The following COL27A1 variants were observed in gnomAD, a reference collection of about 807,000 sequenced individuals.
COL27A1 encodes the protein collagen type XXVII alpha 1 chain.
Under a neutral mutation model 251.3 loss-of-function variants are expected in COL27A1, and 106 were observed. The observed-to-expected ratio is 0.42, with a 90% CI of 0.36 to 0.50. COL27A1 has a LOEUF of 0.50. Among genes scored for constraint, COL27A1 ranks in the 20% least tolerant of loss-of-function variants. The probability of loss-of-function intolerance (pLI) is 0.00; values close to 1 mark genes in which losing one functional copy is unlikely to be tolerated. For synonymous variants in COL27A1, 1,000 were observed against 986.3 expected (o/e 1.01, Z -0.26); for missense variants, 2,325 against 2,522.8 (o/e 0.92, Z 1.68).
intron 14 of COL27A1, among the ~76,000 whole-genome samples, 184 bp downstream of exon 14, chr9:114,222,451 G>T (rs1287090805): frequency 6.6e-6 from 1 of 151,204 alleles, no homozygotes; most frequent in Non-Finnish European, 1.5e-5. Flanking sequence ...GTAGGGGAAG[G>T]TGGGTAGGGG....
At chr9:114,284,443 G>A (rs1827315902) in intron 40 of COL27A1, among the ~76,000 whole-genome samples, 1 of 152,148 alleles carries the variant, frequency 6.6e-6, no homozygotes, top group African/African-American at 2.4e-5. Context: ...GTTCTGGCTG[G>A]GAGAACAAAG....
At chr9:114,286,637 T>C (rs552027937) in intron 41 of COL27A1, among the ~76,000 whole-genome samples, 172 of 152,224 alleles carry the variant, frequency 1.1e-3, no homozygotes, top group African/African-American at 3.7e-3. Flanking sequence ...ATATACCTAA[T>C]GCTAAATGAC....
At chr9:114,193,482 A>C (rs975225794) in intron 5 of COL27A1, among the ~76,000 whole-genome samples, 5 of 152,124 alleles carry the variant, frequency 3.3e-5, no homozygotes, top group Admixed American at 2.6e-4. Context: ...GTTCTAACTC[A>C]GCAGGAGCCA....
chr9:114,286,351 G>A (rs1367276837), intron 41 of COL27A1, among the ~76,000 whole-genome samples: 1 of 152,158 alleles, frequency 6.6e-6, no homozygotes, highest in African/African-American at 2.4e-5. Context: ...CGGGGAAACT[G>A]AGTCCCCATA....
chr9:114,208,154 A>G (rs2808793), intron 10 of COL27A1, among the ~76,000 whole-genome samples: 60,543 of 152,140 alleles, frequency 0.4, 15,842 homozygotes, highest in African/African-American at 0.74. Context: ...ATACTTCCTC[A>G]GGGCTGGGCG....
chr9:114,283,699 C>T lies in COL27A1; in HGVS notation c.3880-10C>T, dbSNP rs777630861. 5.6e-6 allele frequency: 9 copies of T among 1,613,816 alleles called. No homozygotes were observed. The highest frequency in any genetic ancestry group is 1.7e-5 in the Admixed American group (1 of 59,992). ...CACTCCATACCAACGAGGGTCTCCTCCTCTTGTAGGGTGCTCCGGGACGCA... is the reference window on the plus strand; with the variant it reads ...CACTCCATACCAACGAGGGTCTCCTTCTCTTGTAGGGTGCTCCGGGACGCA... On this transcript the variant is annotated splice_polypyrimidine_tract_variant and intron_variant, in intron 39 of 60. Coordinates refer to ENST00000356083, the MANE Select transcript of COL27A1 (RefSeq NM_032888.4).
chr9:114,178,303 C>T lies in COL27A1; in HGVS notation c.1921C>T (p.Leu641=), dbSNP rs1827624980. 2 of 1,613,622 alleles carry T rather than the reference C, an allele frequency of 1.2e-6. No homozygotes were observed. The highest frequency in any genetic ancestry group is 2.2e-5 in the South Asian group (2 of 91,062). Residue 641 remains leucine (L), a synonymous_variant, in exon 4 of 61, where the codon CTA becomes TTA. Transcript: ENST00000356083. The part of the protein sequence containing the change: ...GDCGLPGPPG[L]PGLPGIPGAR... ...GTTTTCTCCTCAGGGTCCCCCTGGG[C>T]TACCTGGGCTACCTGGAATCCCTGG...
At chr9:114,164,578 T>C (rs1472976200) in intron 2 of COL27A1, among the ~76,000 whole-genome samples, 4 of 152,260 alleles carry the variant, frequency 2.6e-5, no homozygotes, top group East Asian at 3.9e-4. Flanking sequence ...ATTCCATGTG[T>C]GGAGAAAGAT....
Position 114,256,495 on chromosome 9 carries a change from C to G in COL27A1, c.3142-2046C>G, listed in dbSNP as rs372327122. Among the ~76,000 whole-genome samples, 54 of 152,138 alleles carry G rather than the reference C, an allele frequency of 3.5e-4. No homozygotes were observed. The South Asian group carries it at 6.2e-3, about 18-fold the overall frequency. ...GCGACAGAGCAAGACTCCATCTCAA[C>G]AAAAAAAGATTATTATCCCCATTAT... is the stretch of plus-strand genomic sequence containing the variant. On this transcript the variant is annotated intron_variant, in intron 27 of 60. Coordinates refer to ENST00000356083, the MANE Select transcript of COL27A1 (RefSeq NM_032888.4).
rs543374584 is a variant in COL27A1, at chr9:114,197,191, T to G, written c.2124+1179T>G. ...CTGTGTCTTAAGCTTCTGCCCTGGC[T>G]CCCAGCTGTGGCCACAGCTGAACTC... is the stretch of plus-strand genomic sequence containing the variant. On this transcript the variant is annotated intron_variant, in intron 7 of 60. Coordinates refer to ENST00000356083, the MANE Select transcript of COL27A1 (RefSeq NM_032888.4). Among the ~76,000 whole-genome samples, 392 of 152,248 alleles carry G rather than the reference T, an allele frequency of 2.6e-3. 5 individuals carry two copies. In the Middle Eastern group the frequency reaches 0.034, roughly 13 times the overall value.
intron 2 of COL27A1, among the ~76,000 whole-genome samples, chr9:114,165,270 A>G (rs1424022746): frequency 2.6e-5 from 4 of 152,162 alleles, no homozygotes; most frequent in Non-Finnish European, 1.5e-5. Context: ...AATTTCCCCC[A>G]GGGAACTGTC....
At chr9:114,266,022 G>C (rs1173781844) in intron 32 of COL27A1, among the ~76,000 whole-genome samples, 3 of 152,174 alleles carry the variant, frequency 2.0e-5, no homozygotes, top group Non-Finnish European at 4.4e-5. Context: ...CAGGTGTGGG[G>C]GGACAGTCCA....
At chr9:114,276,548 T>C (rs959022228) in intron 37 of COL27A1, among the ~76,000 whole-genome samples, 5 of 152,180 alleles carry the variant, frequency 3.3e-5, no homozygotes, top group Admixed American at 2.6e-4. Context: ...GGGGTTGCAA[T>C]GAGCTGAGAT....
In COL27A1 at chr9:114,275,702, G is replaced by T. The variant is rs868486393; in HGVS notation, c.3651G>T (p.Glu1217Asp). ...GDPGPDGEHG[E>D]KGQEGLMGED... ...CAGGGCCTGATGGAGAACATGGCGA[G>T]AAAGGCCAGGAAGGGCTGATGGGTG... The change falls in exon 37 of 61, where the codon GAG (glutamate) becomes GAT (aspartate). Residue 1217 changes from glutamate (E) to aspartate (D), a missense_variant. Coordinates refer to ENST00000356083, the MANE Select transcript of COL27A1 (RefSeq NM_032888.4). 5.8e-6 allele frequency: 9 copies of T among 1,550,346 alleles called. No individual in the cohort carries two copies. The highest frequency in any genetic ancestry group is 7.0e-6 in the Non-Finnish European group (8 of 1,146,858).
At chr9:114,267,441 C>T in intron 33 of COL27A1, 63 bp from the exon 34 acceptor site, 1 of 1,449,838 alleles carries the variant, frequency 6.9e-7, no homozygotes, top group South Asian at 1.2e-5. Flanking sequence ...CCTCAGTTAC[C>T]CCCTTGCTTA....
At chr9:114,208,860 T>A (rs1830158592) in intron 10 of COL27A1, among the ~76,000 whole-genome samples, 1 of 151,988 alleles carries the variant, frequency 6.6e-6, no homozygotes, top group Non-Finnish European at 1.5e-5. Context: ...TTGAAGGATT[T>A]GGCTCAGAAG....
intron 58 of COL27A1, 27 bp from the exon 59 acceptor site, chr9:114,307,642 A>C: frequency 6.7e-7 from 1 of 1,492,300 alleles, no homozygotes; most frequent in Admixed American, 1.7e-5. Context: ...AGATACATAC[A>C]TCACCTCCAT....
At chr9:114,297,391 CA>C (rs1222979797) in intron 49 of COL27A1, among the ~76,000 whole-genome samples, 3 of 152,016 alleles carry the variant, frequency 2.0e-5, no homozygotes, top group Admixed American at 6.5e-5. Context: ...AATCAACAGA[CA>C]AATATGCCTT....
chr9:114,265,261 G>A lies in COL27A1; in HGVS notation c.3339+151G>A, dbSNP rs533586794. The stretch of plus-strand genomic sequence containing the variant: ...GGTTGCCCACCTGCCCTGCACTGAA[G>A]CTCCTCCAGCACATCCTCTCTTCTC... On this transcript the variant is annotated intron_variant, in intron 31 of 60. Transcript: ENST00000356083. 2.8e-4 allele frequency: 307 copies of A among 1,102,518 alleles called. 1 individual carries two copies. In the East Asian group the frequency reaches 6.5e-3, roughly 23 times the overall value. The allele number at this position is 1,102,518 out of a possible 1,614,324, so 68.3% of individuals were successfully genotyped here.
Sources: gnomAD v4.1 joint callset for allele counts (sites outside exome capture counted in the v4.1 genomes callset) on GRCh38, gnomAD v4.1.1 for gene constraint, MANE v1.5 for transcripts, NCBI Gene and HGNC (gene_info 2026-07-23, HGNC 2026-07-21) for gene names.